Variants in ABCA13 observed in about 807,000 individuals in gnomAD.
ABCA13 encodes the protein ATP binding cassette subfamily A member 13, also known as ATP-binding cassette sub-family A member 13.
Under a neutral mutation model 478.7 loss-of-function variants are expected in ABCA13, and 476 were observed. The observed-to-expected ratio is 0.99, with a 90% CI of 0.92 to 1.07. The LOEUF is 1.07. ABCA13 is among the 50% of genes least tolerant of loss of function. The probability of loss-of-function intolerance (pLI) is 0.00; values close to 1 mark genes in which losing one functional copy is unlikely to be tolerated. For synonymous variants in ABCA13, 2,252 were observed against 2,158.9 expected, an observed-to-expected ratio of 1.04 and a Z score of -1.20; for missense variants, 6,060 against 5,910.6, an observed-to-expected ratio of 1.03 and a Z score of -0.83.
At position 48,275,621 on chromosome 7, in the gene ABCA13, CATT is replaced by C; in HGVS notation, c.5957_5959del (p.Ile1986del). 6.2e-7 allele frequency: 1 copy of C among 1,608,256 alleles called. No individual in the cohort carries two copies. The highest frequency in any genetic ancestry group is 8.5e-7 in the Non-Finnish European group (1 of 1,176,608). ...TAAGTAGTTTAAACAAGATCCTTAA[CATT>C]AATGAAGACACAGAGACATCTGTTC... is the stretch of plus-strand genomic sequence containing the variant. On this transcript the variant is annotated inframe_deletion, in exon 17 of 62. Transcript: ENST00000435803.
intron 31 of ABCA13, among the ~76,000 whole-genome samples, chr7:48,358,141 CAAAG>C (rs1563114577): frequency 5.5e-5 from 8 of 145,410 alleles, no homozygotes; most frequent in African/African-American, 1.8e-4. Context: ...AACTCCGTCT[CAAAG>C]AAAAGAAAAG....
chr7:48,244,700 C>G lies in ABCA13; in HGVS notation c.1387C>G (p.Gln463Glu). The stretch of plus-strand genomic sequence containing the variant: ...GATAGCTCAGAATTTACATTTTGTC[C>G]AAGGTAAGCTAGCTTTGGTGTTATT... Reference protein sequence around the residue: ...NAIAQNLHFVQEVLICLETSA... With the variant: ...NAIAQNLHFVEEVLICLETSA... The change falls in exon 11 of 62, where the codon CAA (glutamine) becomes GAA (glutamate). Residue 463 changes from glutamine to glutamate, a missense_variant. Physicochemically the swap from Gln to Glu is conservative, Grantham distance 29. This residue lies in a region of ABCA13 where 4,423 missense variants were observed against 4,309.1 expected (regional missense o/e 1.03). Transcript: ENST00000435803. 1.1e-5 allele frequency: 17 copies of G among 1,593,216 alleles called. No homozygotes were observed. The highest frequency in any genetic ancestry group is 1.5e-5 in the Non-Finnish European group (17 of 1,167,570).
chr7:48,533,562 G>A (rs1395890564), intron 55 of ABCA13, among the ~76,000 whole-genome samples: 1 of 151,990 alleles, frequency 6.6e-6, no homozygotes, highest in African/African-American at 2.4e-5. Flanking sequence ...TTTCTGTCTT[G>A]GTGACCTGAC....
chr7:48,178,992 A>AATC (rs1795274093), intron 1 of ABCA13, among the ~76,000 whole-genome samples: 1 of 147,394 alleles, frequency 6.8e-6, no homozygotes, highest in South Asian at 2.1e-4. Context: ...TAATAATAAT[A>AATC]ATAATAATAA....
chr7:48,353,111 C>T (rs977415400), intron 31 of ABCA13, among the ~76,000 whole-genome samples: 3 of 151,716 alleles, frequency 2.0e-5, no homozygotes, highest in Non-Finnish European at 4.4e-5. Context: ...GCAGAGAGGA[C>T]GGGAGACTAT....
chr7:48,333,890 C>A (rs713061), intron 27 of ABCA13, among the ~76,000 whole-genome samples: 30,932 of 152,032 alleles, frequency 0.2, 3,308 homozygotes, highest in East Asian at 0.37. Context: ...TACTCCTTGC[C>A]CTGTCTCCTG....
intron 42 of ABCA13, among the ~76,000 whole-genome samples, chr7:48,432,359 C>T (rs1184539690): frequency 6.6e-6 from 1 of 152,002 alleles, no homozygotes; most frequent in Non-Finnish European, 1.5e-5. Flanking sequence ...GGAACTCTTC[C>T]ATACTGTTGG....
rs189032102 is a variant in ABCA13 at position 48,509,439 on chromosome 7, C to G, written c.13524+1390C>G. On this transcript the variant is annotated intron_variant, in intron 50 of 61. Coordinates refer to ENST00000435803, the MANE Select transcript of ABCA13 (RefSeq NM_152701.5). ...TGTGTGGCAAGAGAGAATCACAACA[C>G]ACAGGGGGCCACGTTTCTAGGACAC... Among the ~76,000 whole-genome samples the G allele has an allele frequency of 3.7e-3, 567 of 152,314 alleles. 3 individuals carry two copies. The highest frequency in any genetic ancestry group is 6.9e-3 in the Non-Finnish European group (470 of 68,020).
At chr7:48,543,538 C>T (rs939525301) in intron 55 of ABCA13, among the ~76,000 whole-genome samples, 1 of 151,390 alleles carries the variant, frequency 6.6e-6, no homozygotes, top group African/African-American at 2.4e-5. Context: ...GCAGGAGAAT[C>T]GCTTGAACCC....
At chr7:48,463,294 C>T (rs865894701) in intron 43 of ABCA13, among the ~76,000 whole-genome samples, 2 of 152,132 alleles carry the variant, frequency 1.3e-5, no homozygotes, top group East Asian at 1.9e-4. Context: ...GACGAAGTTC[C>T]GAATCAAAGC....
intron 31 of ABCA13, among the ~76,000 whole-genome samples, chr7:48,366,413 T>A (rs1165706388): frequency 6.6e-6 from 1 of 152,100 alleles, no homozygotes; most frequent in East Asian, 1.9e-4. Context: ...TTTTTACTCA[T>A]AGCATTTATC....
intron 15 of ABCA13, among the ~76,000 whole-genome samples, chr7:48,252,132 C>T (rs1037075831): frequency 6.6e-6 from 1 of 152,034 alleles, no homozygotes; most frequent in Non-Finnish European, 1.5e-5. Flanking sequence ...TTCTCTTTTT[C>T]TCGTCTTCTG....
intron 29 of ABCA13, among the ~76,000 whole-genome samples, chr7:48,343,033 G>T (rs1445920777): frequency 6.6e-6 from 1 of 151,094 alleles, no homozygotes; most frequent in African/African-American, 2.4e-5. Context: ...CTCACATTTT[G>T]GAAGTGCATG....
Position 48,317,204 on chromosome 7 carries a change from G to C in ABCA13, c.9907G>C (p.Gly3303Arg), listed in dbSNP as rs201486540. The change falls in exon 27 of 62, where the codon GGT becomes CGT. Residue 3303 changes from glycine to arginine, a missense_variant. By Grantham distance (125) the Gly-to-Arg change is moderately radical. Transcript: ENST00000435803. ...TCAGGAAATTCTACAATTGCCAAAT[G>C]GTGCTTTGGTGTGGACCTTCCTAAA... ...LYQEILQLPN[G>R]ALVWTFLKPI... The C allele has an allele frequency of 1.5e-4, 242 of 1,613,050 alleles. No homozygotes were observed. Among genetic ancestry groups the C allele is most frequent in the Non-Finnish European group, 2.0e-4 (239 of 1,179,688 alleles).
chr7:48,492,123 G>A (rs1029747308), intron 48 of ABCA13, among the ~76,000 whole-genome samples: 25 of 152,096 alleles, frequency 1.6e-4, no homozygotes, highest in Admixed American at 1.6e-3. Context: ...TAGAACCCAG[G>A]CTGGCCCTTT....
chr7:48,519,056 T>C (rs566488518), intron 52 of ABCA13, among the ~76,000 whole-genome samples: 12 of 151,930 alleles, frequency 7.9e-5, no homozygotes, highest in Non-Finnish European at 1.5e-4. Flanking sequence ...TAAGTGGGAA[T>C]ATGCAGTGTT....
At chr7:48,181,096 T>G (rs1372133398) in intron 1 of ABCA13, among the ~76,000 whole-genome samples, 1 of 152,228 alleles carries the variant, frequency 6.6e-6, no homozygotes, top group Admixed American at 6.5e-5. Context: ...GGACCCGCAG[T>G]TCCTGTAAAG....
At chr7:48,361,295 A>G (rs1476985833) in intron 31 of ABCA13, among the ~76,000 whole-genome samples, 1 of 151,594 alleles carries the variant, frequency 6.6e-6, no homozygotes, top group Non-Finnish European at 1.5e-5. Flanking sequence ...AGATCCTAGA[A>G]GAGAGAAATT....
chr7:48,276,072 G>C lies in ABCA13; in HGVS notation c.6406G>C (p.Glu2136Gln). 6.2e-7 allele frequency: 1 copy of C among 1,605,756 alleles called. No individual in the cohort carries two copies. The highest frequency in any genetic ancestry group is 8.5e-7 in the Non-Finnish European group (1 of 1,175,646). Reference sequence around the variant, plus strand: ...AAACTGGCTTCAGGAATATGCAAATGAGGATTACTCCAGAATGATAGAAAC... The same window carrying C: ...AAACTGGCTTCAGGAATATGCAAATCAGGATTACTCCAGAATGATAGAAAC... ...TKNWLQEYAN[E>Q]DYSRMIETLF... is the part of the protein sequence containing the mutation. Residue 2136 changes from glutamate to glutamine, a missense_variant, in exon 17 of 62, where the codon GAG (glutamate) becomes CAG (glutamine). Coordinates refer to ENST00000435803, the MANE Select transcript of ABCA13 (RefSeq NM_152701.5).
Sources: allele counts gnomAD v4.1 joint callset (sites outside exome capture counted in the v4.1 genomes callset), GRCh38; gene constraint gnomAD v4.1.1; regional missense constraint gnomAD v4.1.1; transcripts MANE v1.5; gene names NCBI Gene and HGNC (gene_info 2026-07-23, HGNC 2026-07-21).